The following DPY19L1 variants were observed in gnomAD, a reference collection of about 807,000 sequenced individuals.
The protein encoded by DPY19L1 is protein C-mannosyl-transferase DPY19L1.
Under a neutral mutation model 96.9 loss-of-function variants are expected in DPY19L1, and 35 were observed. That is an observed-to-expected ratio of 0.36 (90% CI 0.28 to 0.48). The LOEUF (loss-of-function observed/expected upper bound fraction) is 0.48, where lower values mean the gene tolerates loss of function less well. DPY19L1 is among the 20% of genes least tolerant of loss of function. The probability of loss-of-function intolerance (pLI) is 0.99; values close to 1 mark genes in which losing one functional copy is unlikely to be tolerated. For synonymous variants in DPY19L1, 205 were observed against 252.6 expected (o/e 0.81, Z 1.79); for missense variants, 521 against 777.9 (o/e 0.67, Z 3.93).
At chr7:34,986,871 A>T (rs1371261836) in intron 7 of DPY19L1, among the ~76,000 whole-genome samples, 15 of 152,034 alleles carry the variant, frequency 9.9e-5, no homozygotes, top group Non-Finnish European at 2.2e-4. Context: ...TTACTTTTTT[A>T]AAATGTATTT....
chr7:35,025,477 G>A (rs1786098817), intron 1 of DPY19L1, among the ~76,000 whole-genome samples: 1 of 152,054 alleles, frequency 6.6e-6, no homozygotes, highest in Admixed American at 6.6e-5. Context: ...CTTAGGGCAC[G>A]GTTTACTAAG....
chr7:35,018,617 A>C lies in DPY19L1; in HGVS notation c.299-21T>G, dbSNP rs762747033. On this transcript the variant is annotated intron_variant, in intron 1 of 21. Transcript: ENST00000638088. ...AACAGCTGTAAGAAAAAAGAAATTT[A>C]AATTAGAATTTTAGCATAAACATGT... 2.5e-6 allele frequency: 4 copies of C among 1,603,438 alleles called. No individual in the cohort carries two copies. In the African/African-American group the frequency reaches 5.4e-5, roughly 21 times the overall value.
chr7:34,967,323 T>C (rs1339289601), intron 9 of DPY19L1, among the ~76,000 whole-genome samples: 1 of 152,178 alleles, frequency 6.6e-6, no homozygotes, highest in African/African-American at 2.4e-5. Flanking sequence ...ACATGACAAC[T>C]AATACATAAT....
chr7:35,035,027 G>A (rs1026049446), intron 1 of DPY19L1, among the ~76,000 whole-genome samples: 3 of 152,150 alleles, frequency 2.0e-5, no homozygotes, highest in African/African-American at 7.2e-5. Flanking sequence ...GCTGTGGCAG[G>A]GCATAATCGT....
At chr7:34,950,706 G>A (rs1364099414) in intron 13 of DPY19L1, among the ~76,000 whole-genome samples, 5 of 152,158 alleles carry the variant, frequency 3.3e-5, no homozygotes, top group Non-Finnish European at 7.4e-5. Context: ...AAAATACTAT[G>A]TCTTGTTGGG....
intron 6 of DPY19L1, among the ~76,000 whole-genome samples, chr7:35,002,169 A>G (rs1408332526): frequency 6.6e-6 from 1 of 151,664 alleles, no homozygotes; most frequent in East Asian, 1.9e-4. Flanking sequence ...AACAAAAAAA[A>G]CCCACACACA....
At chr7:34,938,771 C>T (rs1373652401) in intron 20 of DPY19L1, among the ~76,000 whole-genome samples, 1 of 152,082 alleles carries the variant, frequency 6.6e-6, no homozygotes, top group Non-Finnish European at 1.5e-5. Flanking sequence ...GACAACACAT[C>T]TCTAAATTAT....
rs1182123490 is a variant in DPY19L1 at position 35,013,613 on chromosome 7, G to A, written c.504C>T (p.Tyr168=). The A allele has an allele frequency of 3.7e-6, 6 of 1,609,386 alleles. No homozygotes were observed. The highest frequency in any genetic ancestry group is 5.1e-6 in the Non-Finnish European group (6 of 1,176,912). ...WMIMNDKLTE[Y]PLVINTLKRF... ...TTTTTAATGTATTAATGACAAGGGGGTATTCAGTCAGTTTATCATTCATAA... is the reference window on the plus strand; with the variant it reads ...TTTTTAATGTATTAATGACAAGGGGATATTCAGTCAGTTTATCATTCATAA... The change falls in exon 4 of 22, where the codon TAC becomes TAT. Residue 168 remains tyrosine, a synonymous_variant. Coordinates refer to ENST00000638088, the MANE Select transcript of DPY19L1 (RefSeq NM_001366673.1).
At chr7:35,003,939 C>G (rs1785491059) in intron 6 of DPY19L1, among the ~76,000 whole-genome samples, 1 of 152,200 alleles carries the variant, frequency 6.6e-6, no homozygotes, top group Admixed American at 6.5e-5. Context: ...TGGTCCTTTT[C>G]TCTGCTGTGG....
chr7:34,973,399 A>G (rs899783906), intron 8 of DPY19L1, 115 bp downstream of exon 8: 3 of 527,026 alleles, frequency 5.7e-6, no homozygotes, highest in Non-Finnish European at 9.0e-6. Context: ...TATTTTTACT[A>G]ATAACAGCAT....
chr7:35,036,102 G>A (rs1444117310), intron 1 of DPY19L1, among the ~76,000 whole-genome samples: 1 of 152,128 alleles, frequency 6.6e-6, no homozygotes, highest in Non-Finnish European at 1.5e-5. Context: ...TTGTGGCTGT[G>A]ATCTCAGGGG....
intron 10 of DPY19L1, among the ~76,000 whole-genome samples, chr7:34,959,898 A>AATAT (rs368552911): frequency 1.6e-5 from 1 of 62,432 alleles, no homozygotes; most frequent in African/African-American, 1.2e-4. Flanking sequence ...TTTGTATATA[A>AATAT]ATATATATAT....
intron 10 of DPY19L1, among the ~76,000 whole-genome samples, chr7:34,962,868 G>C (rs992488866): frequency 2.6e-5 from 4 of 152,034 alleles, no homozygotes; most frequent in South Asian, 4.2e-4. Context: ...GGGGCAGGGG[G>C]TATATGGGAA....
intron 14 of DPY19L1, among the ~76,000 whole-genome samples, chr7:34,949,021 G>A (rs1784212563): frequency 6.6e-6 from 1 of 152,062 alleles, no homozygotes; most frequent in Non-Finnish European, 1.5e-5. Flanking sequence ...GAGTATTGTT[G>A]GCCAGTTTCA....
chr7:35,004,781 A>C (rs1785513839), intron 6 of DPY19L1, among the ~76,000 whole-genome samples: 1 of 152,242 alleles, frequency 6.6e-6, no homozygotes, highest in Non-Finnish European at 1.5e-5. Context: ...TGAAGGGATA[A>C]TTTAAAAGTA....
chr7:34,955,200 G>A, intron 12 of DPY19L1, 108 bp downstream of exon 12: 4 of 1,369,006 alleles, frequency 2.9e-6, no homozygotes, highest in African/African-American at 1.5e-5. Flanking sequence ...CTATAAAACT[G>A]TTGGATCCCC....
At chr7:35,013,783 T>C in intron 3 of DPY19L1, 78 bp from the exon 4 acceptor site, 1 of 1,197,436 alleles carries the variant, frequency 8.4e-7, no homozygotes, top group Non-Finnish European at 1.2e-6. Context: ...TACACTGTTT[T>C]TGAAAAACAA....
intron 1 of DPY19L1, among the ~76,000 whole-genome samples, chr7:35,035,874 A>G (rs1454582374): frequency 6.6e-6 from 1 of 151,464 alleles, no homozygotes; most frequent in Non-Finnish European, 1.5e-5. Context: ...TCTAACCTGC[A>G]TACTAGCCAG....
rs547338741 is a variant in DPY19L1 at position 34,966,935 on chromosome 7, T to C, written c.1051A>G (p.Ile351Val). The C allele has an allele frequency of 1.8e-5, 28 of 1,545,578 alleles. No homozygotes were observed. In the East Asian group the frequency reaches 3.6e-4, roughly 20 times the overall value. The change falls in exon 10 of 22, where the codon ATT (isoleucine) becomes GTT (valine). Residue 351 changes from isoleucine (I) to valine (V), a missense_variant. Ile to Val is a conservative substitution (Grantham distance 29). Coordinates refer to ENST00000638088, the MANE Select transcript of DPY19L1 (RefSeq NM_001366673.1). ...SLFAVYVVGY[I>V]DICKLRKIIY... Reference sequence around the variant, plus strand: ...ATCTTCCGTAATTTACATATATCAATGTACCCGACAACATATACTGCAAAT... The same window carrying C: ...ATCTTCCGTAATTTACATATATCAACGTACCCGACAACATATACTGCAAAT...
Sources: gnomAD v4.1 joint callset for allele counts (sites outside exome capture counted in the v4.1 genomes callset) on GRCh38, gnomAD v4.1.1 for gene constraint, MANE v1.5 for transcripts, NCBI Gene and HGNC (gene_info 2026-07-23, HGNC 2026-07-21) for gene names.